ZNF180: variants seen among roughly 807,000 people sequenced by gnomAD.
ZNF180 encodes zinc finger protein 180.
Under a neutral mutation model 11.8 loss-of-function variants are expected in ZNF180, and 11 were observed. That is an observed-to-expected ratio of 0.93 (90% confidence interval 0.59 to 1.55). ZNF180 has a LOEUF of 1.55. ZNF180 is among the 40% of genes most tolerant of loss of function. The pLI is 0.00. For missense variants in ZNF180, 773 were observed against 781.7 expected (o/e 0.99, Z 0.13); for synonymous variants, 287 against 257.7 (o/e 1.11, Z -1.09).
intron 2 of ZNF180, among the ~76,000 whole-genome samples, chr19:44,496,056 T>C (rs1025639392): frequency 6.6e-6 from 1 of 152,184 alleles, no homozygotes; most frequent in Non-Finnish European, 1.5e-5. Context: ...TCTCACTCTG[T>C]TGTCCAGGCT....
chr19:44,477,601 T>C lies in ZNF180; in HGVS notation c.799A>G (p.Ile267Val), dbSNP rs1969952192. 1.2e-6 allele frequency: 2 copies of C among 1,613,996 alleles called. No homozygotes were observed. Among genetic ancestry groups the C allele is most frequent in the African/African-American group, 1.3e-5 (1 of 74,928 alleles). ...HGTPLHIHEK[I>V]HGGGKTFDFK... ...TCAAAGGTTTTTCCTCCTCCATGAA[T>C]TTTTTCATGTATATGTAGGGGTGTA... The change falls in exon 5 of 5, where the codon ATT becomes GTT. Residue 267 changes from isoleucine to valine, a missense_variant. Physicochemically the swap from Ile to Val is conservative, Grantham distance 29 (BLOSUM62 3). Coordinates refer to ENST00000592529, the MANE Select transcript of ZNF180 (RefSeq NM_001278509.3).
chr19:44,497,309 G>C lies in ZNF180; in HGVS notation c.26C>G (p.Pro9Arg). ...CTGTGCACAGACCTTCGGGGGCTCT[G>C]GGGGCTTCTCATCCTGCTCTTCCAT... The part of the protein sequence containing the change: MEEQDEKP[P>R]EPPKVCAQDS... The change falls in exon 2 of 5, where the codon CCA (proline) becomes CGA (arginine). Residue 9 changes from proline (P) to arginine (R), a missense_variant. Pro to Arg is a moderately radical substitution (Grantham distance 103). Transcript: ENST00000592529. 1.3e-6 allele frequency: 2 copies of C among 1,594,464 alleles called. No homozygotes were observed. The highest frequency in any genetic ancestry group is 8.5e-7 in the Non-Finnish European group (1 of 1,173,426).
In ZNF180 at chr19:44,475,677, A is replaced by C. The variant is rs1969845045; in HGVS notation, c.*725T>G. On this transcript the variant is annotated 3_prime_UTR_variant, in exon 5 of 5. Transcript: ENST00000592529. ...ATAATTTTTACTCATTATATCATTTATCATAGCATAACAGCGTACATTCCA... is the reference window on the plus strand; with the variant it reads ...ATAATTTTTACTCATTATATCATTTCTCATAGCATAACAGCGTACATTCCA... 6.6e-6 allele frequency: 1 copy of C among 152,258 alleles called. No individual in the cohort carries two copies. The highest frequency in any genetic ancestry group is 2.4e-5 in the African/African-American group (1 of 41,472). The allele number at this position is 152,258 out of a possible 1,614,324, so 9.4% of individuals were successfully genotyped here. A position where few individuals can be genotyped will look rare whatever the true frequency, so the allele number is the denominator to read the frequency against.
chr19:44,498,141 G>GTAT lies in ZNF180; in HGVS notation c.-43-767_-43-765dup, dbSNP rs979779257. 3.0e-4 allele frequency among the ~76,000 whole-genome samples: 46 copies of GTAT among 152,208 alleles called. 1 individual carries two copies. Among genetic ancestry groups the GTAT allele is most frequent in the Admixed American group, 2.3e-3 (35 of 15,286 alleles). ...TAAACCAGTCCCTCCACCAACTTGGGTATACTCAGGCCTGAAACTACAACA... is the reference window on the plus strand; with the variant it reads ...TAAACCAGTCCCTCCACCAACTTGGGTATTATACTCAGGCCTGAAACTACAACA... On this transcript the variant is annotated intron_variant, in intron 1 of 4. Coordinates refer to ENST00000592529, the MANE Select transcript of ZNF180 (RefSeq NM_001278509.3).
In ZNF180 at chr19:44,477,812, AT is replaced by A. The variant is rs750715390; in HGVS notation, c.587del (p.His196LeufsTer11). On this transcript the variant is annotated frameshift_variant, in exon 5 of 5. Coordinates refer to ENST00000592529, the MANE Select transcript of ZNF180 (RefSeq NM_001278509.3). LOFTEE classifies it low-confidence loss of function (END_TRUNC). ...CAGCATTAAGATGCCATTTTTTAGCATGTGATACATGTTTATGAAAATGGTT... is the reference window on the plus strand; with the variant it reads ...CAGCATTAAGATGCCATTTTTTAGCAGTGATACATGTTTATGAAAATGGTT... ...IRNHFHKHVS[H>X]AKKWHLNAAV... 1.2e-6 allele frequency: 2 copies of A among 1,613,828 alleles called. No individual in the cohort carries two copies. Among genetic ancestry groups the A allele is most frequent in the African/African-American group, 1.3e-5 (1 of 74,914 alleles).
rs557639199 is a variant in ZNF180 at position 44,498,418 on chromosome 19, T to C, written c.-43-1041A>G. Reference sequence around the variant, plus strand: ...ATAGCGTAGGTTCACAATGCAGCTGTTTCCTGAAATTGCACCCAAACTGTT... The same window carrying C: ...ATAGCGTAGGTTCACAATGCAGCTGCTTCCTGAAATTGCACCCAAACTGTT... On this transcript the variant is annotated intron_variant, in intron 1 of 4. Transcript: ENST00000592529. 2.0e-5 allele frequency among the ~76,000 whole-genome samples: 3 copies of C among 152,200 alleles called. 1 individual carries two copies. Among genetic ancestry groups the C allele is most frequent in the African/African-American group, 7.2e-5 (3 of 41,522 alleles).
chr19:44,489,172 G>T (rs1480175761), intron 2 of ZNF180, among the ~76,000 whole-genome samples: 1 of 107,170 alleles, frequency 9.3e-6, no homozygotes, highest in Non-Finnish European at 2.0e-5. Context: ...GCCCCCCGCC[G>T]GGCCAGCCGC....
intron 2 of ZNF180, among the ~76,000 whole-genome samples, chr19:44,490,018 AGAAAAAGAC>A (rs1970396688): frequency 2.5e-5 from 1 of 39,294 alleles, no homozygotes; most frequent in South Asian, 1.9e-3. Context: ...AAGAAAAGAA[AGAAAAAGAC>A]AGGAAAGAAA....
Position 44,500,255 on chromosome 19 carries a change from T to G in ZNF180, c.-44+20A>C. 6.2e-7 allele frequency: 1 copy of G among 1,613,726 alleles called. No individual in the cohort carries two copies. The highest frequency in any genetic ancestry group is 2.2e-5 in the East Asian group (1 of 44,870). The stretch of plus-strand genomic sequence containing the variant: ...CATGCGCGCATCGGACACCAAGCGC[T>G]GCCCCACGCCCCTACCAACCTGGGC... On this transcript the variant is annotated intron_variant, in intron 1 of 4. Coordinates refer to ENST00000592529, the MANE Select transcript of ZNF180 (RefSeq NM_001278509.3).
At chr19:44,479,953 T>C (rs1190491228) in intron 3 of ZNF180, among the ~76,000 whole-genome samples, 1 of 152,232 alleles carries the variant, frequency 6.6e-6, no homozygotes, top group Non-Finnish European at 1.5e-5. Flanking sequence ...AGGCTGTACT[T>C]TGCTAATGCA....
chr19:44,487,885 C>G (rs556218777), intron 2 of ZNF180, among the ~76,000 whole-genome samples: 173 of 152,190 alleles, frequency 1.1e-3, no homozygotes, highest in Non-Finnish European at 1.8e-3. Flanking sequence ...CATCACCACG[C>G]CCAGCTAATT....
chr19:44,476,923 G>GT lies in ZNF180; in HGVS notation c.1476dup (p.Pro493ThrfsTer3). Reference sequence around the variant, plus strand: ...TTCCCACACTGATTACATTCAAAGGGTTTTTCTCCTGTGTGAGTTCTCTGA... The same window carrying GT: ...TTCCCACACTGATTACATTCAAAGGGTTTTTTCTCCTGTGTGAGTTCTCTGA... On this transcript the variant is annotated frameshift_variant, in exon 5 of 5. Coordinates refer to ENST00000592529, the MANE Select transcript of ZNF180 (RefSeq NM_001278509.3). LOFTEE classifies it low-confidence loss of function (END_TRUNC). The GT allele has an allele frequency of 6.2e-7, 1 of 1,614,118 alleles. No homozygotes were observed. Among genetic ancestry groups the GT allele is most frequent in the Non-Finnish European group, 8.5e-7 (1 of 1,180,022 alleles).
intron 2 of ZNF180, among the ~76,000 whole-genome samples, chr19:44,487,715 T>G (rs1970266340): frequency 6.6e-6 from 1 of 152,124 alleles, no homozygotes; most frequent in Non-Finnish European, 1.5e-5. Flanking sequence ...TTTTACTTTT[T>G]TGTTTGTTTG....
At chr19:44,492,177 T>C (rs2123491916) in intron 2 of ZNF180, among the ~76,000 whole-genome samples, 1 of 152,328 alleles carries the variant, frequency 6.6e-6, no homozygotes, top group East Asian at 1.9e-4. Context: ...CTACCATTTC[T>C]ATATACCTCT....
At chr19:44,479,225 T>A in intron 4 of ZNF180, 58 bp downstream of exon 4, 1 of 1,583,978 alleles carries the variant, frequency 6.3e-7, no homozygotes, top group South Asian at 1.2e-5. Context: ...TCTTAATCGA[T>A]CAGAATGTGA....
At position 44,484,442 on chromosome 19, in the gene ZNF180, A is replaced by G. The variant is rs1265572615; in HGVS notation, c.52-7T>C. On this transcript the variant is annotated splice_polypyrimidine_tract_variant and splice_region_variant and intron_variant, in intron 2 of 4. Transcript: ENST00000592529. ...CTTGAGGAAGGAAAGAATCCTGAAA[A>G]GGCAAAACAGATGAGAAAAAGGAAA... 7 of 1,610,040 alleles carry G rather than the reference A, an allele frequency of 4.3e-6. No individual in the cohort carries two copies. The highest frequency in any genetic ancestry group is 6.0e-6 in the Non-Finnish European group (7 of 1,176,398).
In ZNF180 at chr19:44,476,989, ACT is replaced by A; in HGVS notation, c.1409_1410del (p.Gln470LeufsTer6). 1 of 1,614,158 alleles carries A rather than the reference ACT, an allele frequency of 6.2e-7. No homozygotes were observed. The highest frequency in any genetic ancestry group is 8.5e-7 in the Non-Finnish European group (1 of 1,180,024). The part of the protein sequence containing the change: ...HTGEKPYECN[Q>X]CGKSFSQSYK... ...TAACTTTGACTAAAGGATTTCCCAC[ACT>A]GATTGCATTCATAGGGTTTTTCCCC... On this transcript the variant is annotated frameshift_variant, in exon 5 of 5. Transcript: ENST00000592529. LOFTEE classifies it low-confidence loss of function (END_TRUNC).
intron 2 of ZNF180, chr19:44,496,694 A>G (rs889010035): frequency 1.3e-5 from 2 of 150,134 alleles, no homozygotes; most frequent in Non-Finnish European, 3.0e-5. Flanking sequence ...AAAAAAAAAA[A>G]AAAGAAGAAA....
chr19:44,490,858 A>G (rs551254009), intron 2 of ZNF180, among the ~76,000 whole-genome samples: 3 of 152,370 alleles, frequency 2.0e-5, no homozygotes, highest in Non-Finnish European at 4.4e-5. Flanking sequence ...TTTCACAAGA[A>G]AACAAAAGAA....
Sources: allele counts gnomAD v4.1 joint callset (sites outside exome capture counted in the v4.1 genomes callset), GRCh38; gene constraint gnomAD v4.1.1; transcripts MANE v1.5; gene names NCBI Gene and HGNC (gene_info 2026-07-23, HGNC 2026-07-21).